NSMCE2: variants seen among roughly 807,000 people sequenced by gnomAD.
The protein encoded by NSMCE2 is E3 SUMO-protein ligase NSE2.
Under a neutral mutation model 23.8 loss-of-function variants are expected in NSMCE2, and 24 were observed. That is an observed-to-expected ratio of 1.01 (90% CI 0.73 to 1.42). The LOEUF (loss-of-function observed/expected upper bound fraction) is 1.42, where lower values mean the gene tolerates loss of function less well. NSMCE2 is among the 40% of genes most tolerant of loss of function. The pLI, the probability that NSMCE2 is intolerant of heterozygous loss-of-function variation, is 0.00. For missense variants in NSMCE2, 284 were observed against 296.5 expected (o/e 0.96, Z 0.31); for synonymous variants, 92 against 94.1 (o/e 0.98, Z 0.13).
intron 4 of NSMCE2, among the ~76,000 whole-genome samples, chr8:125,165,209 T>A (rs537520860): frequency 6.6e-6 from 1 of 152,222 alleles, no homozygotes; most frequent in Middle Eastern, 3.2e-3. Context: ...TGGCAAGGAT[T>A]AAATGAGATA....
intron 1 of NSMCE2, among the ~76,000 whole-genome samples, chr8:125,101,694 T>C (rs1298382559): frequency 6.6e-6 from 1 of 152,204 alleles, no homozygotes; most frequent in African/African-American, 2.4e-5. Context: ...GATTAGGAAG[T>C]GTTAAATATG....
intron 5 of NSMCE2, chr8:125,351,486 G>A (rs1262761292): frequency 6.6e-6 from 1 of 152,134 alleles, no homozygotes; most frequent in Admixed American, 6.5e-5. Flanking sequence ...AGGGGCATCT[G>A]GAGGTCAAGT....
At position 125,326,233 on chromosome 8, in the gene NSMCE2, G is replaced by A. The variant is rs145204645; in HGVS notation, c.419-30986G>A. Among the ~76,000 whole-genome samples, 1,045 of 151,924 alleles carry A rather than the reference G, an allele frequency of 6.9e-3. 7 individuals are homozygous for A. The highest frequency in any genetic ancestry group is 0.024 in the African/African-American group (976 of 41,432). On this transcript the variant is annotated intron_variant, in intron 5 of 7. Coordinates refer to ENST00000287437, the MANE Select transcript of NSMCE2 (RefSeq NM_173685.4). ...GATTGCGCCACTGCACTCCAGCCTG[G>A]GCAAAAGAGTGAGACTCCATCTCAA...
chr8:125,136,903 T>C, intron 3 of NSMCE2, among the ~76,000 whole-genome samples: 1 of 152,174 alleles, frequency 6.6e-6, no homozygotes, highest in East Asian at 1.9e-4. Flanking sequence ...AATTACCTTC[T>C]AAAATGTGAG....
At chr8:125,150,432 T>TG (rs1820941391) in intron 3 of NSMCE2, among the ~76,000 whole-genome samples, 1 of 117,136 alleles carries the variant, frequency 8.5e-6, no homozygotes, top group African/African-American at 3.1e-5. Context: ...CTTTCTTTTT[T>TG]TTTTTTTTTT....
At chr8:125,181,693 G>A (rs1487425636) in intron 4 of NSMCE2, among the ~76,000 whole-genome samples, 2 of 150,056 alleles carry the variant, frequency 1.3e-5, no homozygotes, top group African/African-American at 5.0e-5. Flanking sequence ...CTGCTAGGGT[G>A]GAGGGCCAAA....
rs983948008 is a variant in NSMCE2, at chr8:125,269,339, G to A, written c.418+87083G>A. On this transcript the variant is annotated intron_variant, in intron 5 of 7. Transcript: ENST00000287437. ...TGACCTCAAGTGATCACCTTCCTCC[G>A]CCTCCCAAAGTGCTGGGATTACAGG... 3.9e-5 allele frequency among the ~76,000 whole-genome samples: 6 copies of A among 152,094 alleles called. No homozygotes were observed. The South Asian group carries it at 6.2e-4, about 16-fold the overall frequency.
chr8:125,356,037 A>G (rs1458612323), intron 5 of NSMCE2, among the ~76,000 whole-genome samples: 2 of 152,114 alleles, frequency 1.3e-5, no homozygotes, highest in African/African-American at 2.4e-5. Flanking sequence ...TAATAATAGT[A>G]TGATCTCATC....
At chr8:125,212,086 C>CT (rs1454576779) in intron 5 of NSMCE2, among the ~76,000 whole-genome samples, 2 of 152,156 alleles carry the variant, frequency 1.3e-5, no homozygotes, top group African/African-American at 2.4e-5. Context: ...AGAGCCATTG[C>CT]TTCCTAAATA....
chr8:125,364,607 A>G (rs1358191004), intron 7 of NSMCE2, among the ~76,000 whole-genome samples: 2 of 152,250 alleles, frequency 1.3e-5, no homozygotes, highest in African/African-American at 2.4e-5. Context: ...AGAAGAGTCA[A>G]TTAATGCATG....
At chr8:125,214,507 A>G (rs1824490834) in intron 5 of NSMCE2, among the ~76,000 whole-genome samples, 1 of 152,176 alleles carries the variant, frequency 6.6e-6, no homozygotes, top group Non-Finnish European at 1.5e-5. Context: ...ACCCTACGTG[A>G]AAGAAAGGAG....
At chr8:125,136,781 T>C (rs1820090124) in intron 3 of NSMCE2, among the ~76,000 whole-genome samples, 1 of 152,124 alleles carries the variant, frequency 6.6e-6, no homozygotes, top group Admixed American at 6.6e-5. Context: ...TATTTTTCAA[T>C]AGGAAGCTTT....
At chr8:125,214,184 G>C (rs935710383) in intron 5 of NSMCE2, among the ~76,000 whole-genome samples, 3 of 152,162 alleles carry the variant, frequency 2.0e-5, no homozygotes, top group African/African-American at 7.2e-5. Context: ...TAAATACCAG[G>C]TTGGTAGGCA....
intron 5 of NSMCE2, among the ~76,000 whole-genome samples, chr8:125,304,455 G>A (rs150598888): frequency 1.4e-4 from 21 of 152,192 alleles, no homozygotes; most frequent in Non-Finnish European, 1.9e-4. Flanking sequence ...AGAGAGACCC[G>A]GGGCAAGGAA....
chr8:125,137,049 A>G (rs1820103450), intron 3 of NSMCE2, among the ~76,000 whole-genome samples: 1 of 152,054 alleles, frequency 6.6e-6, no homozygotes, highest in Non-Finnish European at 1.5e-5. Flanking sequence ...TTAAATTTTA[A>G]AGGATTGATT....
chr8:125,162,437 G>T (rs1452216748), intron 4 of NSMCE2, among the ~76,000 whole-genome samples: 2 of 152,044 alleles, frequency 1.3e-5, no homozygotes, highest in Non-Finnish European at 2.9e-5. Context: ...GTCATATATG[G>T]TCCTGTTACA....
At chr8:125,135,971 GC>G (rs1170087468) in intron 3 of NSMCE2, among the ~76,000 whole-genome samples, 1 of 152,194 alleles carries the variant, frequency 6.6e-6, no homozygotes, top group East Asian at 1.9e-4. Flanking sequence ...GATATTGCAT[GC>G]CTTGCAGCCT....
intron 4 of NSMCE2, among the ~76,000 whole-genome samples, chr8:125,155,226 T>A (rs1821247636): frequency 6.6e-6 from 1 of 152,204 alleles, no homozygotes; most frequent in African/African-American, 2.4e-5. Context: ...AATAATGTCT[T>A]CAGGGCAGGG....
At chr8:125,324,335 C>T (rs913667442) in intron 5 of NSMCE2, among the ~76,000 whole-genome samples, 1 of 151,946 alleles carries the variant, frequency 6.6e-6, no homozygotes, top group Non-Finnish European at 1.5e-5. Flanking sequence ...AGCATGTGCC[C>T]GCAGAAAGAC....
Sources: allele counts gnomAD v4.1 joint callset (sites outside exome capture counted in the v4.1 genomes callset), GRCh38; gene constraint gnomAD v4.1.1; transcripts MANE v1.5; gene names NCBI Gene and HGNC (gene_info 2026-07-23, HGNC 2026-07-21).